GATA3: variants seen among roughly 807,000 people sequenced by gnomAD.
GATA3 encodes GATA binding protein 3.
GATA3 carries 6 observed loss-of-function variants against 36.0 expected under a neutral mutation model. That is an observed-to-expected ratio of 0.17 (90% confidence interval 0.09 to 0.33). The LOEUF is 0.33. Ranked by LOEUF, GATA3 falls within the 10% of genes least tolerant of loss-of-function variation. The pLI, the probability that GATA3 is intolerant of heterozygous loss-of-function variation, is 1.00. For missense variants in GATA3, 514 were observed against 610.1 expected, an observed-to-expected ratio of 0.84 and a Z score of 1.66; for synonymous variants, 326 against 273.0, an observed-to-expected ratio of 1.19 and a Z score of -1.92.
At chr10:8,047,272 C>T (rs1832403213) in intron 1 of GATA3, among the ~76,000 whole-genome samples, 1 of 152,158 alleles carries the variant, frequency 6.6e-6, no homozygotes, top group African/African-American at 2.4e-5. Flanking sequence ...GAGGTTAAAG[C>T]AGTTTGCGTC....
chr10:8,059,410 AG>A (rs1456445988), intron 3 of GATA3, among the ~76,000 whole-genome samples: 1 of 152,226 alleles, frequency 6.6e-6, no homozygotes, highest in Non-Finnish European at 1.5e-5. Flanking sequence ...TGCGTGGAAA[AG>A]GGGGCTCTCA....
chr10:8,073,576 G>A (rs942854977), intron 5 of GATA3, among the ~76,000 whole-genome samples, 163 bp from the exon 6 acceptor site: 1 of 152,054 alleles, frequency 6.6e-6, no homozygotes, highest in Non-Finnish European at 1.5e-5. Flanking sequence ...CAGTCCCTGG[G>A]AAGGAGACAG....
At chr10:8,065,872 A>G in intron 4 of GATA3, among the ~76,000 whole-genome samples, 1 of 149,020 alleles carries the variant, frequency 6.7e-6, no homozygotes, top group Non-Finnish European at 1.5e-5. Context: ...TTTGAAAAAA[A>G]AAAAAAAAAA....
At position 8,058,735 on chromosome 10, in the gene GATA3, C is replaced by T; in HGVS notation, c.672C>T (p.Pro224=). The T allele has an allele frequency of 6.2e-7, 1 of 1,612,442 alleles. No homozygotes were observed. Among genetic ancestry groups the T allele is most frequent in the Non-Finnish European group, 8.5e-7 (1 of 1,179,936 alleles). Residue 224 remains proline, a synonymous_variant, in exon 3 of 6, where the codon CCC becomes CCT. Transcript: ENST00000379328. ...ACCACCCCATCACCACCTACCCGCC[C>T]TACGTGCCCGAGTACAGCTCCGGAC... is the stretch of plus-strand genomic sequence containing the variant. ...STHHPITTYP[P]YVPEYSSGLF...
At chr10:8,057,926 A>G (rs956148382) in intron 2 of GATA3, among the ~76,000 whole-genome samples, 1 of 152,186 alleles carries the variant, frequency 6.6e-6, no homozygotes, top group East Asian at 1.9e-4. Flanking sequence ...AAGGAAACCC[A>G]TAAATCAAGT....
rs1015818820 is a variant in GATA3 at position 8,055,389 on chromosome 10, C to T, written c.-267C>T. 1 of 555,424 alleles carries T rather than the reference C, an allele frequency of 1.8e-6. No individual in the cohort carries two copies. 34.4% of individuals were successfully genotyped at this position (555,424 alleles called of 1,614,324 possible). The stretch of plus-strand genomic sequence containing the variant: ...TCGTCGCCCCTTTTTACAACCTGGT[C>T]CCGTTTTATTCTGCCGTACCCAGTT... On this transcript the variant is annotated 5_prime_UTR_variant, in exon 2 of 6. Transcript: ENST00000379328. This position sits in a 1 kb window ranked among gnomAD's most constrained non-coding sequence, Gnocchi z 5.4.
chr10:8,056,388 AGC>A (rs752315664), intron 2 of GATA3, among the ~76,000 whole-genome samples: 9 of 152,176 alleles, frequency 5.9e-5, no homozygotes, highest in South Asian at 2.1e-4. Context: ...GCCCTCTGCC[AGC>A]GTCCCTCAAT....
intron 3 of GATA3, among the ~76,000 whole-genome samples, chr10:8,062,344 A>C (rs1308744044): frequency 7.2e-6 from 1 of 138,606 alleles, no homozygotes; most frequent in Non-Finnish European, 1.6e-5. Context: ...AAAAAAAAAA[A>C]CCTCTCTTAC....
At chr10:8,047,528 A>G (rs1832406959) in intron 1 of GATA3, among the ~76,000 whole-genome samples, 1 of 152,254 alleles carries the variant, frequency 6.6e-6, no homozygotes, top group South Asian at 2.1e-4. Context: ...TGGAATAACC[A>G]GAGAGAGGCT....
upstream of GATA3, among the ~76,000 whole-genome samples, chr10:8,048,646 A>G (rs892077020): frequency 2.6e-5 from 4 of 152,230 alleles, no homozygotes; most frequent in South Asian, 6.2e-4. Context: ...AGGGAGGGAG[A>G]GAGCTGAAAA....
At chr10:8,063,744 G>C (rs979267991) in intron 3 of GATA3, among the ~76,000 whole-genome samples, 2 of 152,196 alleles carry the variant, frequency 1.3e-5, no homozygotes, top group Non-Finnish European at 2.9e-5. Context: ...ACAGGGTTCT[G>C]TTGCAACGAT....
intron 3 of GATA3, among the ~76,000 whole-genome samples, chr10:8,063,753 A>T (rs1384506705): frequency 3.9e-5 from 6 of 152,134 alleles, no homozygotes; most frequent in Non-Finnish European, 7.4e-5. Context: ...TGTTGCAACG[A>T]TGCATCTGCC....
upstream of GATA3, among the ~76,000 whole-genome samples, chr10:8,054,019 G>T (rs1832567478): frequency 6.6e-6 from 1 of 152,194 alleles, no homozygotes; most frequent in Non-Finnish European, 1.5e-5. This position sits in a 1 kb window ranked among gnomAD's most constrained non-coding sequence, Gnocchi z 4.2. Context: ...GGGGGCTTGA[G>T]AGCGCAGAAG....
At chr10:8,051,159 T>A (rs1258382839), upstream of GATA3, 3 of 231,010 alleles carry the variant, frequency 1.3e-5, no homozygotes, top group Admixed American at 1.1e-4. Flanking sequence ...GGAGGGCGGG[T>A]GGGAGGGACT....
intron 3 of GATA3, among the ~76,000 whole-genome samples, chr10:8,059,263 C>A (rs1183700034): frequency 6.6e-6 from 1 of 152,226 alleles, no homozygotes; most frequent in African/African-American, 2.4e-5. Context: ...CCCTCTATGA[C>A]CCCTTTGGCC....
upstream of GATA3, chr10:8,051,146 CT>C: frequency 2.4e-6 from 1 of 424,900 alleles, no homozygotes; most frequent in Non-Finnish European, 4.7e-6. Flanking sequence ...CTCTTCGCCC[CT>C]GGGAGGGCGG....
In GATA3 at chr10:8,058,320, G is replaced by T. The variant is rs1245137314; in HGVS notation, c.257G>T (p.Arg86Leu). 4 of 1,612,884 alleles carry T rather than the reference G, an allele frequency of 2.5e-6. No individual in the cohort carries two copies. The highest frequency in any genetic ancestry group is 3.4e-6 in the Non-Finnish European group (4 of 1,179,930). Residue 86 changes from arginine to leucine, a missense_variant, in exon 3 of 6, where the codon CGC becomes CTC. By Grantham distance (102) the Arg-to-Leu change is moderately radical. Transcript: ENST00000379328. ...PPTHHGSQVC[R>L]PPLLHGSLPW... ...TGCCCCACAGGGAGCCAGGTGTGCC[G>T]CCCGCCTCTGCTTCATGGATCCCTA...
At position 8,055,912 on chromosome 10, in the gene GATA3, G is replaced by A; in HGVS notation, c.241+16G>A. 6.4e-7 allele frequency: 1 copy of A among 1,552,116 alleles called. No individual in the cohort carries two copies. The highest frequency in any genetic ancestry group is 8.7e-7 in the Non-Finnish European group (1 of 1,147,696). On this transcript the variant is annotated intron_variant, in intron 2 of 5. Transcript: ENST00000379328. This position sits in a 1 kb window ranked among gnomAD's most constrained non-coding sequence, Gnocchi z 5.4. ...ACCCACCACGGTGAGTGCGCCCGGGGTGCCGGGGCTCCCGCCGGCCGCTTC... is the reference window on the plus strand; with the variant it reads ...ACCCACCACGGTGAGTGCGCCCGGGATGCCGGGGCTCCCGCCGGCCGCTTC...
rs1436692613 is a variant in GATA3, at chr10:8,055,777, A to G, written c.122A>G (p.Tyr41Cys). 1 of 1,592,074 alleles carries G rather than the reference A, an allele frequency of 6.3e-7. No individual in the cohort carries two copies. Among genetic ancestry groups the G allele is most frequent in the Non-Finnish European group, 8.6e-7 (1 of 1,169,396 alleles). Residue 41 changes from tyrosine to cysteine, a missense_variant, in exon 2 of 6, where the codon TAC becomes TGC. Tyr to Cys is a radical substitution (Grantham distance 194, BLOSUM62 -2). Coordinates refer to ENST00000379328, the MANE Select transcript of GATA3 (RefSeq NM_001002295.2). This position sits in a 1 kb window ranked among gnomAD's most constrained non-coding sequence, Gnocchi z 5.4. ...LSHSYMDAAQ[Y>C]PLPEEVDVLF... ...CACTCCTACATGGACGCGGCGCAGT[A>G]CCCGCTGCCGGAGGAGGTGGATGTG...
Sources: allele counts gnomAD v4.1 joint callset (sites outside exome capture counted in the v4.1 genomes callset), GRCh38; gene constraint gnomAD v4.1.1; non-coding constraint Gnocchi (gnomAD v3.1); transcripts MANE v1.5; gene names NCBI Gene and HGNC (gene_info 2026-07-23, HGNC 2026-07-21).